The following PLA2G4A variants were observed in gnomAD, a reference collection of about 807,000 sequenced individuals.
PLA2G4A encodes the protein cytosolic phospholipase A2.
A neutral mutation model predicts 81.9 loss-of-function variants in PLA2G4A; 40 were observed. The observed-to-expected ratio is 0.49, with a 90% CI of 0.38 to 0.64. The LOEUF is 0.64. PLA2G4A is among the 30% of genes least tolerant of loss of function. The pLI is 0.00. For missense variants in PLA2G4A, 715 were observed against 905.1 expected (o/e 0.79, Z 2.69); for synonymous variants, 302 against 296.9 (o/e 1.02, Z -0.18).
intron 14 of PLA2G4A, among the ~76,000 whole-genome samples, chr1:186,962,482 TTTATTTTA>T (rs1454772939): frequency 1.4e-3 from 173 of 127,650 alleles, no homozygotes; most frequent in Non-Finnish European, 2.2e-3. Flanking sequence ...TTGTAGTTAT[TTTATTTTA>T]TTTATTTATT....
intron 16 of PLA2G4A, 121 bp from the exon 17 acceptor site, chr1:186,979,194 A>G (rs1228189147): frequency 2.7e-6 from 2 of 742,276 alleles, no homozygotes; most frequent in African/African-American, 3.5e-5. Context: ...GATGCTACAG[A>G]GTACCTGGCT....
intron 17 of PLA2G4A, among the ~76,000 whole-genome samples, chr1:186,987,185 G>A (rs1271913313): frequency 4.6e-5 from 7 of 152,172 alleles, no homozygotes; most frequent in Non-Finnish European, 1.5e-5. Context: ...ATGTTTAAGT[G>A]GTGCAAACAT....
At chr1:186,896,420 T>C (rs951953672) in intron 5 of PLA2G4A, among the ~76,000 whole-genome samples, 1 of 152,218 alleles carries the variant, frequency 6.6e-6, no homozygotes, top group South Asian at 2.1e-4. Flanking sequence ...CAGATCCATT[T>C]TGCTGAATCA....
Position 186,854,387 on chromosome 1 carries a change from A to C in PLA2G4A, c.33A>C (p.Ile11=), listed in dbSNP as rs765579083. ...TTATAGATCCTTACCAGCACATTAT[A>C]GTAAGTCATTCACTGTTTATGAATT... MSFIDPYQHI[I]VEHQYSHKFT... Residue 11 remains isoleucine, a splice_region_variant and synonymous_variant, in exon 2 of 18, where the codon ATA becomes ATC. Coordinates refer to ENST00000367466, the MANE Select transcript of PLA2G4A (RefSeq NM_024420.3). 6.4e-7 allele frequency: 1 copy of C among 1,557,968 alleles called. No homozygotes were observed.
In PLA2G4A at chr1:186,946,729, A is replaced by G. The variant is rs753713596; in HGVS notation, c.1126A>G (p.Thr376Ala). The stretch of plus-strand genomic sequence containing the variant: ...ATTTGGAAGCAAATTTTTTATGGGA[A>G]CAGTCGTTAAGAAGTATGAAGAAAA... ...DLFGSKFFMG[T>A]VVKKYEENPL... The change falls in exon 11 of 18, where the codon ACA (threonine) becomes GCA (alanine). Residue 376 changes from threonine (T) to alanine (A), a missense_variant. Coordinates refer to ENST00000367466, the MANE Select transcript of PLA2G4A (RefSeq NM_024420.3). The G allele has an allele frequency of 1.9e-6, 3 of 1,612,350 alleles. No individual in the cohort carries two copies. Among genetic ancestry groups the G allele is most frequent in the Non-Finnish European group, 2.5e-6 (3 of 1,178,626 alleles).
chr1:186,985,121 C>T (rs1657852302), intron 17 of PLA2G4A, among the ~76,000 whole-genome samples: 1 of 152,174 alleles, frequency 6.6e-6, no homozygotes, highest in South Asian at 2.1e-4. Context: ...TCCCAGATGT[C>T]TCTGACGAAT....
rs751885899 is a variant in PLA2G4A, at chr1:186,977,716, A to G, written c.1888A>G (p.Met630Val). Residue 630 changes from methionine (M) to valine (V), a missense_variant, in exon 16 of 18, where the codon ATG becomes GTG. Coordinates refer to ENST00000367466, the MANE Select transcript of PLA2G4A (RefSeq NM_024420.3). ...CYVFKPKNPD[M>V]EKDCPTIIHF... ...TGTCTTTAAACCCAAGAATCCTGAT[A>G]TGGAGAAAGATTGCCCAACCATCAT... The G allele has an allele frequency of 2.5e-6, 4 of 1,613,546 alleles. No individual in the cohort carries two copies. The highest frequency in any genetic ancestry group is 3.4e-6 in the Non-Finnish European group (4 of 1,179,560).
chr1:186,877,213 C>A (rs929052042), intron 3 of PLA2G4A, among the ~76,000 whole-genome samples: 2 of 151,952 alleles, frequency 1.3e-5, no homozygotes, highest in African/African-American at 4.8e-5. Flanking sequence ...TGTCCTGTGT[C>A]CTTGGGCAGA....
At chr1:186,868,108 G>C (rs1653102738) in intron 2 of PLA2G4A, among the ~76,000 whole-genome samples, 1 of 126,328 alleles carries the variant, frequency 7.9e-6, no homozygotes, top group Admixed American at 1.0e-4. Flanking sequence ...ACAGAGTCCT[G>C]CTGGAGTCCC....
rs1486296617 is a variant in PLA2G4A, at chr1:186,962,506, ATTT to A, written c.1580-2902_1580-2900del. Among the ~76,000 whole-genome samples the A allele has an allele frequency of 2.0e-5, 3 of 147,180 alleles. No homozygotes were observed. In the East Asian group the frequency reaches 5.9e-4, roughly 29 times the overall value. ...TTTTATTTTATTTATTTATTTATTT[ATTT>A]ATTTATTTATTTATTTATTTATTTA... On this transcript the variant is annotated intron_variant, in intron 14 of 17. Transcript: ENST00000367466.
intron 10 of PLA2G4A, 100 bp from the exon 11 acceptor site, chr1:186,946,537 T>G: frequency 1.2e-6 from 1 of 854,336 alleles, no homozygotes; most frequent in Non-Finnish European, 2.0e-6. Flanking sequence ...AATACATGAA[T>G]GAGAATAAGC....
intron 15 of PLA2G4A, 66 bp from the exon 16 acceptor site, chr1:186,977,516 ACACTGAATTAT>A: frequency 1.1e-6 from 1 of 922,182 alleles, no homozygotes; most frequent in Non-Finnish European, 1.8e-6. Context: ...CACCTAGTGA[ACACTGAATTAT>A]GGTCAGACCA....
intron 14 of PLA2G4A, among the ~76,000 whole-genome samples, chr1:186,961,212 C>T (rs1340059636): frequency 1.3e-5 from 2 of 151,934 alleles, no homozygotes; most frequent in Non-Finnish European, 2.9e-5. Context: ...GAGAAAGAGG[C>T]GACCTTGCTC....
At chr1:186,898,342 C>T (rs1558414410) in intron 5 of PLA2G4A, among the ~76,000 whole-genome samples, 2 of 152,062 alleles carry the variant, frequency 1.3e-5, no homozygotes, top group African/African-American at 4.8e-5. Flanking sequence ...TGTAAACAGA[C>T]AGATAATAAT....
intron 2 of PLA2G4A, among the ~76,000 whole-genome samples, chr1:186,860,514 A>G (rs1032435829): frequency 3.3e-5 from 5 of 152,128 alleles, no homozygotes; most frequent in Non-Finnish European, 5.9e-5. Flanking sequence ...GTGATGCCCA[A>G]CTGCATCCAG....
intron 10 of PLA2G4A, among the ~76,000 whole-genome samples, chr1:186,940,985 A>C (rs4650708): frequency 0.25 from 38,503 of 151,864 alleles, 5,382 homozygotes; most frequent in Admixed American, 0.4. Flanking sequence ...GATACTATAA[A>C]AGTGCACAAC....
chr1:186,936,057 T>A (rs1366622976), intron 8 of PLA2G4A, among the ~76,000 whole-genome samples: 1 of 151,972 alleles, frequency 6.6e-6, no homozygotes, highest in Non-Finnish European at 1.5e-5. Context: ...TACTCAGGAT[T>A]AGTACAGCTT....
At chr1:186,944,141 G>A (rs1276608479) in intron 10 of PLA2G4A, among the ~76,000 whole-genome samples, 1 of 152,156 alleles carries the variant, frequency 6.6e-6, no homozygotes, top group African/African-American at 2.4e-5. Flanking sequence ...GGGAAGAAGG[G>A]TGATGAGTTC....
chr1:186,892,641 T>A (rs775280551), intron 3 of PLA2G4A, among the ~76,000 whole-genome samples: 3 of 152,160 alleles, frequency 2.0e-5, no homozygotes, highest in Non-Finnish European at 4.4e-5. Flanking sequence ...AAGCCCATGA[T>A]CTTGTCACTA....
Sources: gnomAD v4.1 joint callset for allele counts (sites outside exome capture counted in the v4.1 genomes callset) on GRCh38, gnomAD v4.1.1 for gene constraint, MANE v1.5 for transcripts, NCBI Gene and HGNC (gene_info 2026-07-23, HGNC 2026-07-21) for gene names.